The following DENND1A variants were observed in gnomAD, a reference collection of about 807,000 sequenced individuals.
DENND1A encodes DENN domain containing 1A, also known as DENN domain-containing protein 1A.
Under a neutral mutation model 113.7 loss-of-function variants are expected in DENND1A, and 51 were observed. The ratio of observed to expected loss-of-function variants is 0.45; its 90% CI spans 0.36 to 0.57. The LOEUF is 0.57. Among genes scored for constraint, DENND1A ranks in the 20% least tolerant of loss-of-function variants. DENND1A has a pLI of 0.00. For missense variants in DENND1A, 1,258 were observed against 1,395.9 expected, an observed-to-expected ratio of 0.90 and a Z score of 1.57; for synonymous variants, 565 against 570.8, an observed-to-expected ratio of 0.99 and a Z score of 0.14.
intron 5 of DENND1A, among the ~76,000 whole-genome samples, chr9:123,704,070 A>C (rs2066035740): frequency 6.6e-6 from 1 of 152,140 alleles, no homozygotes; most frequent in Non-Finnish European, 1.5e-5. Flanking sequence ...TAAATGCCAG[A>C]CTATATATTT....
At chr9:123,705,210 T>C (rs1321000471) in intron 5 of DENND1A, among the ~76,000 whole-genome samples, 4 of 152,200 alleles carry the variant, frequency 2.6e-5, no homozygotes, top group Non-Finnish European at 5.9e-5. Context: ...AGAATCTCCT[T>C]AATCTAAGAC....
At chr9:123,467,139 G>C (rs1266204282) in intron 13 of DENND1A, among the ~76,000 whole-genome samples, 3 of 152,190 alleles carry the variant, frequency 2.0e-5, no homozygotes, top group Non-Finnish European at 4.4e-5. Flanking sequence ...GCAAGTTCTG[G>C]TTCTAATGGA....
chr9:123,748,487 T>G (rs1222421931), intron 5 of DENND1A, among the ~76,000 whole-genome samples: 3 of 152,184 alleles, frequency 2.0e-5, no homozygotes, highest in Admixed American at 6.5e-5. Flanking sequence ...ATTGCAGTCT[T>G]ATGGGGCCTC....
chr9:123,630,978 G>A (rs1306758611), intron 9 of DENND1A, among the ~76,000 whole-genome samples: 5 of 152,034 alleles, frequency 3.3e-5, no homozygotes, highest in Non-Finnish European at 4.4e-5. Flanking sequence ...AATGATACTC[G>A]ATGAATTTCC....
intron 1 of DENND1A, among the ~76,000 whole-genome samples, chr9:123,909,418 A>T (rs191718657): frequency 0.036 from 5,278 of 147,260 alleles, 100 homozygotes; most frequent in Middle Eastern, 0.048. Context: ...AAAAATAAAT[A>T]AAAAAACTGG....
At chr9:123,527,592 T>C (rs754380303) in intron 13 of DENND1A, among the ~76,000 whole-genome samples, 1 of 152,124 alleles carries the variant, frequency 6.6e-6, no homozygotes, top group Non-Finnish European at 1.5e-5. Context: ...CAGGGCACTT[T>C]GCTGAGCCCC....
chr9:123,812,495 C>T (rs1003155710), intron 2 of DENND1A, among the ~76,000 whole-genome samples: 1 of 151,796 alleles, frequency 6.6e-6, no homozygotes, highest in Non-Finnish European at 1.5e-5. Context: ...GAGAATTTCA[C>T]TGCAATATAC....
intron 3 of DENND1A, among the ~76,000 whole-genome samples, chr9:123,778,791 G>A (rs1035985973): frequency 2.6e-5 from 4 of 152,130 alleles, no homozygotes; most frequent in South Asian, 2.1e-4. Context: ...TGGCCACACC[G>A]CATAACCCAA....
chr9:123,769,521 C>T lies in DENND1A; in HGVS notation c.175G>A (p.Val59Met), dbSNP rs1282149295. The T allele has an allele frequency of 6.2e-7, 1 of 1,608,470 alleles. No individual in the cohort carries two copies. The highest frequency in any genetic ancestry group is 1.7e-5 in the Admixed American group (1 of 58,906). The change falls in exon 4 of 24, where the codon GTG becomes ATG. Residue 59 changes from valine (V) to methionine (M), a missense_variant. By Grantham distance (21) the Val-to-Met change is conservative. Around this residue, in one of 2 missense-constraint regions of DENND1A, gnomAD observed 99 missense variants for 164.2 expected, o/e 0.60. Transcript: ENST00000394215. Reference protein sequence around the residue: ...TLTKFCFPFYVDSLTVSQVGQ... With the variant: ...TLTKFCFPFYMDSLTVSQVGQ... Reference sequence around the variant, plus strand: ...TTGAAAATCTGACACTACCTGTCCACATAGAAGGGGAAACAAAACTTGGTC... The same window carrying T: ...TTGAAAATCTGACACTACCTGTCCATATAGAAGGGGAAACAAAACTTGGTC...
chr9:123,421,688 C>T (rs1307091656), intron 19 of DENND1A, among the ~76,000 whole-genome samples: 1 of 152,176 alleles, frequency 6.6e-6, no homozygotes, highest in Non-Finnish European at 1.5e-5. Context: ...TAACAGGATG[C>T]AACTAGGAAA....
At chr9:123,457,067 A>G (rs1588626098) in intron 15 of DENND1A, 1 of 304,120 alleles carries the variant, frequency 3.3e-6, no homozygotes, top group East Asian at 7.0e-5. Context: ...TCCTAACTGA[A>G]TACTGCATGT....
chr9:123,834,689 A>T (rs1840790709), intron 2 of DENND1A, among the ~76,000 whole-genome samples: 1 of 152,230 alleles, frequency 6.6e-6, no homozygotes, highest in Admixed American at 6.5e-5. Flanking sequence ...TCCAAGAAAC[A>T]AAACGGACTT....
chr9:123,731,123 G>C (rs1403625877), intron 5 of DENND1A, among the ~76,000 whole-genome samples: 1 of 152,136 alleles, frequency 6.6e-6, no homozygotes, highest in Non-Finnish European at 1.5e-5. Context: ...GGGAGCTAGG[G>C]GAGGAATAGC....
intron 3 of DENND1A, among the ~76,000 whole-genome samples, chr9:123,787,553 T>C (rs1832370184): frequency 6.6e-6 from 1 of 152,214 alleles, no homozygotes; most frequent in South Asian, 2.1e-4. Flanking sequence ...AACTATAAGC[T>C]TAAGAAATGT....
chr9:123,538,938 AGTG>A (rs932888324), intron 13 of DENND1A, among the ~76,000 whole-genome samples: 1 of 149,372 alleles, frequency 6.7e-6, no homozygotes, highest in African/African-American at 2.5e-5. Flanking sequence ...TATATTAAAA[AGTG>A]GTAAATAAAG....
At chr9:123,456,890 A>C (rs1250399914) in intron 15 of DENND1A, 1 of 158,452 alleles carries the variant, frequency 6.3e-6, no homozygotes, top group Non-Finnish European at 1.4e-5. Flanking sequence ...ATGACTGCAC[A>C]AACCTTTCCT....
intron 5 of DENND1A, among the ~76,000 whole-genome samples, chr9:123,728,081 G>C (rs1306053389): frequency 6.6e-6 from 1 of 151,704 alleles, no homozygotes; most frequent in African/African-American, 2.4e-5. Context: ...ACTCCAGCCT[G>C]GGCAACAGAG....
intron 6 of DENND1A, among the ~76,000 whole-genome samples, chr9:123,674,342 TCACA>T (rs546398875): frequency 0.22 from 28,421 of 131,406 alleles, 3,334 homozygotes; most frequent in Non-Finnish European, 0.29. Flanking sequence ...TGTCTCTCTC[TCACA>T]CACACACACA....
At chr9:123,831,690 G>C (rs1355898236) in intron 2 of DENND1A, among the ~76,000 whole-genome samples, 1 of 152,168 alleles carries the variant, frequency 6.6e-6, no homozygotes, top group African/African-American at 2.4e-5. Flanking sequence ...GCAATAAATA[G>C]TGCTATGCCT....
Sources: allele counts gnomAD v4.1 joint callset (sites outside exome capture counted in the v4.1 genomes callset), GRCh38; gene constraint gnomAD v4.1.1; regional missense constraint gnomAD v4.1.1; transcripts MANE v1.5; gene names NCBI Gene and HGNC (gene_info 2026-07-23, HGNC 2026-07-21).